ATG13: variants seen among roughly 807,000 people sequenced by gnomAD.
ATG13 encodes autophagy-related protein 13.
A neutral mutation model predicts 65.5 loss-of-function variants in ATG13; 23 were observed. That is an observed-to-expected ratio of 0.35 (90% confidence interval 0.25 to 0.50). ATG13 has a LOEUF of 0.50. Ranked by LOEUF, ATG13 falls within the 20% of genes least tolerant of loss-of-function variation. The pLI, the probability that ATG13 is intolerant of heterozygous loss-of-function variation, is 0.98. For missense variants in ATG13, 566 were observed against 677.0 expected (o/e 0.84, Z 1.82); for synonymous variants, 252 against 245.2 (o/e 1.03, Z -0.26).
chr11:46,670,821 T>C lies in ATG13; in HGVS notation c.1575+1289T>C, dbSNP rs1412372505. On this transcript the variant is annotated intron_variant, in intron 18 of 18. Transcript: ENST00000683050. ...AGTGAGACCCTGTCTCAAAAACAAA[T>C]AAATAAATAAATAAAAATCAAGGCT... Among the ~76,000 whole-genome samples, 5 of 152,046 alleles carry C rather than the reference T, an allele frequency of 3.3e-5. 1 individual carries two copies. The East Asian group carries it at 9.6e-4, about 29-fold the overall frequency.
At chr11:46,628,896 T>G (rs1158002741) in intron 1 of ATG13, among the ~76,000 whole-genome samples, 1 of 151,952 alleles carries the variant, frequency 6.6e-6, no homozygotes, top group Non-Finnish European at 1.5e-5. Flanking sequence ...CCTCTACCAT[T>G]TCTACCTCCA....
At chr11:46,631,643 C>T (rs978284501) in intron 2 of ATG13, among the ~76,000 whole-genome samples, 3 of 152,120 alleles carry the variant, frequency 2.0e-5, no homozygotes, top group African/African-American at 7.2e-5. Context: ...GTGAGAGGAT[C>T]GTTTGAGGCC....
At chr11:46,645,488 G>T in intron 4 of ATG13, 69 bp downstream of exon 4, 4 of 1,326,360 alleles carry the variant, frequency 3.0e-6, no homozygotes, top group Non-Finnish European at 4.3e-6. Context: ...AAGTTCTCAA[G>T]TGCAATAATA....
chr11:46,655,014 G>A (rs1411070849), intron 7 of ATG13, among the ~76,000 whole-genome samples: 2 of 152,044 alleles, frequency 1.3e-5, no homozygotes, highest in Non-Finnish European at 2.9e-5. Flanking sequence ...CACAAGAATC[G>A]CTTGAGTCCA....
chr11:46,627,637 ATTTTT>A (rs2050171516), intron 1 of ATG13, among the ~76,000 whole-genome samples: 1 of 151,628 alleles, frequency 6.6e-6, no homozygotes, highest in South Asian at 2.1e-4. Context: ...TGCCTGGCTA[ATTTTT>A]TTATTTTTTT....
chr11:46,631,849 C>T (rs997520741), intron 2 of ATG13, among the ~76,000 whole-genome samples: 7 of 152,148 alleles, frequency 4.6e-5, no homozygotes, highest in African/African-American at 1.4e-4. Context: ...CACTGCACTC[C>T]ACCTTGGATG....
At position 46,674,489 on chromosome 11, in the gene ATG13, G is replaced by A. The variant is rs2064370366; in HGVS notation, c.*2157G>A. 1 of 152,182 alleles carries A rather than the reference G, an allele frequency of 6.6e-6. No individual in the cohort carries two copies. The highest frequency in any genetic ancestry group is 1.9e-4 in the East Asian group (1 of 5,174). The allele number at this position is 152,182 out of a possible 1,614,324, so 9.4% of individuals were successfully genotyped here. On this transcript the variant is annotated 3_prime_UTR_variant, in exon 19 of 19. Transcript: ENST00000683050. ...GCTACACTTCAAAATGTATTCAAGG[G>A]ATTTCCAATAAATTTTTTTCTGTAC...
intron 2 of ATG13, among the ~76,000 whole-genome samples, chr11:46,636,477 G>A (rs944604911): frequency 8.7e-5 from 12 of 138,708 alleles, no homozygotes; most frequent in Non-Finnish European, 1.4e-4. Context: ...AGAATGGCGT[G>A]AACCCAGGAA....
At chr11:46,656,642 TCTTTA>T (rs1402225104) in intron 8 of ATG13, among the ~76,000 whole-genome samples, 4 of 152,214 alleles carry the variant, frequency 2.6e-5, no homozygotes, top group Admixed American at 1.3e-4. Flanking sequence ...AGGCCTTGGC[TCTTTA>T]CTTAGCCGTG....
In ATG13 at chr11:46,672,468, C is replaced by A; in HGVS notation, c.*136C>A. 6.5e-7 allele frequency: 1 copy of A among 1,546,748 alleles called. No homozygotes were observed. The highest frequency in any genetic ancestry group is 2.3e-5 in the East Asian group (1 of 44,064). On this transcript the variant is annotated 3_prime_UTR_variant, in exon 19 of 19. Transcript: ENST00000683050. The stretch of plus-strand genomic sequence containing the variant: ...GAGGCTGGCTTCTCCCATGGGGACC[C>A]AGAAGTCCCTACTCTTGGACCTCCT...
At chr11:46,620,295 G>A (rs553211149) in intron 1 of ATG13, among the ~76,000 whole-genome samples, 4 of 150,838 alleles carry the variant, frequency 2.7e-5, no homozygotes, top group African/African-American at 9.7e-5. Flanking sequence ...AGGTTTCACC[G>A]AGTTGGCCAG....
intron 6 of ATG13, 92 bp from the exon 7 acceptor site, chr11:46,650,085 G>A: frequency 1.4e-6 from 2 of 1,387,936 alleles, no homozygotes; most frequent in African/African-American, 2.8e-5. Context: ...AGAGTTCTCT[G>A]GTTAGTCAGA....
intron 3 of ATG13, among the ~76,000 whole-genome samples, 154 bp downstream of exon 3, chr11:46,644,514 A>G (rs1336089553): frequency 1.3e-5 from 2 of 151,536 alleles, no homozygotes; most frequent in Non-Finnish European, 2.9e-5. Context: ...ACTGTGAGGT[A>G]TGGGGGCGGT....
At chr11:46,627,204 A>G (rs954459405) in intron 1 of ATG13, among the ~76,000 whole-genome samples, 2 of 151,814 alleles carry the variant, frequency 1.3e-5, no homozygotes, top group Admixed American at 1.3e-4. Flanking sequence ...ACATGATGAA[A>G]CCCTATCTCT....
At chr11:46,619,687 C>T (rs1318365364) in intron 1 of ATG13, among the ~76,000 whole-genome samples, 3 of 151,650 alleles carry the variant, frequency 2.0e-5, no homozygotes, top group South Asian at 2.1e-4. Flanking sequence ...CACTCCTGGC[C>T]GATTTCTTGC....
At chr11:46,656,429 A>G (rs1484791623) in intron 8 of ATG13, 156 bp downstream of exon 8, 1 of 656,772 alleles carries the variant, frequency 1.5e-6, no homozygotes, top group African/African-American at 1.8e-5. Flanking sequence ...GGTCCAGGTT[A>G]CCCCTGATCT....
chr11:46,657,313 AAG>A (rs770124803), intron 9 of ATG13, 122 bp downstream of exon 9: 36 of 1,027,582 alleles, frequency 3.5e-5, no homozygotes, highest in East Asian at 5.1e-5. Context: ...CAGAAGAATA[AAG>A]AGAGAGTGCA....
intron 5 of ATG13, among the ~76,000 whole-genome samples, chr11:46,648,398 G>A (rs994267781): frequency 6.6e-6 from 1 of 152,084 alleles, no homozygotes; most frequent in African/African-American, 2.4e-5. Context: ...TAGTCTCAAG[G>A]TTGTTTATCA....
At chr11:46,669,723 G>A (rs1339054644) in intron 18 of ATG13, among the ~76,000 whole-genome samples, 191 bp downstream of exon 18, 1 of 152,142 alleles carries the variant, frequency 6.6e-6, no homozygotes, top group African/African-American at 2.4e-5. Context: ...GCTTGAGCTT[G>A]GTTCCTTCTT....
Sources: allele counts gnomAD v4.1 joint callset (sites outside exome capture counted in the v4.1 genomes callset), GRCh38; gene constraint gnomAD v4.1.1; transcripts MANE v1.5; gene names NCBI Gene and HGNC (gene_info 2026-07-23, HGNC 2026-07-21).